The following RIMS2 variants were observed in gnomAD, a reference collection of about 807,000 sequenced individuals.
RIMS2 encodes the protein regulating synaptic membrane exocytosis protein 2.
Under a neutral mutation model 174.4 loss-of-function variants are expected in RIMS2, and 59 were observed. That is an observed-to-expected ratio of 0.34 (90% CI 0.27 to 0.42). RIMS2 has a LOEUF of 0.42. RIMS2 is among the 10% of genes least tolerant of loss of function. The probability of loss-of-function intolerance (pLI) is 1.00; values close to 1 mark genes in which losing one functional copy is unlikely to be tolerated. For missense variants in RIMS2, 1,620 were observed against 1,666.3 expected (o/e 0.97, Z 0.48); for synonymous variants, 606 against 572.5 (o/e 1.06, Z -0.84).
intron 1 of RIMS2, among the ~76,000 whole-genome samples, chr8:103,590,892 T>A (rs2094219618): frequency 6.6e-6 from 1 of 151,160 alleles, no homozygotes; most frequent in Non-Finnish European, 1.5e-5. Context: ...TTCATTACTT[T>A]TGGATAAATA....
intron 19 of RIMS2, among the ~76,000 whole-genome samples, chr8:104,173,237 G>A (rs966362853): frequency 5.3e-5 from 8 of 152,092 alleles, no homozygotes; most frequent in African/African-American, 1.2e-4. Flanking sequence ...TGTTTAAAAT[G>A]AGTATTCATT....
intron 3 of RIMS2, among the ~76,000 whole-genome samples, chr8:103,838,486 A>G (rs1367487202): frequency 6.6e-6 from 1 of 152,204 alleles, no homozygotes; most frequent in African/African-American, 2.4e-5. Context: ...GCCTCTTAGC[A>G]TAATTTATTT....
At chr8:103,975,988 T>C (rs781663918) in intron 16 of RIMS2, 8 of 152,934 alleles carry the variant, frequency 5.2e-5, no homozygotes, top group Non-Finnish European at 1.2e-4. Flanking sequence ...ATTGGGTGAG[T>C]CTTCCTCTCC....
intron 2 of RIMS2, 30 bp from the exon 6 acceptor site, chr8:103,766,197 A>G: frequency 6.7e-7 from 1 of 1,495,600 alleles, no homozygotes; most frequent in Non-Finnish European, 9.1e-7. Context: ...TGGGAACACT[A>G]ATTTTTTCCC....
At chr8:104,002,066 T>A (rs1283816653) in intron 17 of RIMS2, among the ~76,000 whole-genome samples, 1 of 152,142 alleles carries the variant, frequency 6.6e-6, no homozygotes, top group Non-Finnish European at 1.5e-5. Flanking sequence ...TTACCTCCAA[T>A]TCTACTTTGG....
intron 19 of RIMS2, among the ~76,000 whole-genome samples, chr8:104,106,449 G>A (rs2098067942): frequency 7.0e-6 from 1 of 143,832 alleles, no homozygotes; most frequent in South Asian, 2.2e-4. Context: ...CATTATCATT[G>A]ATTAATATAT....
rs1458560876 is a variant in RIMS2 at position 103,555,234 on chromosome 8, T to C, written c.176+54172T>C. ...CCTGAATAGAAATTTCTTGAAAGAA[T>C]ACATATCAATGGCCAATAGGTATAT... On this transcript the variant is annotated intron_variant, in intron 1 of 23. Transcript: ENST00000504942. 2.0e-5 allele frequency among the ~76,000 whole-genome samples: 3 copies of C among 152,092 alleles called. No individual in the cohort carries two copies. In the East Asian group the frequency reaches 5.8e-4, roughly 29 times the overall value.
intron 19 of RIMS2, among the ~76,000 whole-genome samples, chr8:104,189,385 T>C (rs2098985709): frequency 6.6e-6 from 1 of 151,848 alleles, no homozygotes; most frequent in Admixed American, 6.6e-5. Context: ...TCTATCTTCC[T>C]GATCCAGGAA....
At chr8:104,200,614 T>C (rs373207050) in intron 19 of RIMS2, among the ~76,000 whole-genome samples, 2 of 152,178 alleles carry the variant, frequency 1.3e-5, no homozygotes, top group South Asian at 4.1e-4. Context: ...ACCTTAAAAC[T>C]ATGCCAGTGA....
chr8:104,193,485 C>A (rs2099008499), intron 19 of RIMS2, among the ~76,000 whole-genome samples: 1 of 152,016 alleles, frequency 6.6e-6, no homozygotes, highest in Non-Finnish European at 1.5e-5. Context: ...TGGAGTCGAC[C>A]CTTCAATGTG....
At chr8:104,221,175 T>C (rs937674254) in intron 19 of RIMS2, among the ~76,000 whole-genome samples, 1 of 152,160 alleles carries the variant, frequency 6.6e-6, no homozygotes, top group East Asian at 1.9e-4. Context: ...CATAAAGTAT[T>C]TTATTACATT....
At chr8:104,128,649 A>T (rs1214905306) in intron 19 of RIMS2, among the ~76,000 whole-genome samples, 1 of 152,194 alleles carries the variant, frequency 6.6e-6, no homozygotes, top group African/African-American at 2.4e-5. Context: ...GTGAGCCAAG[A>T]TCGCGCCATT....
At position 104,058,752 on chromosome 8, in the gene RIMS2, G is replaced by T. The variant is rs948301604; in HGVS notation, c.3334+44137G>T. 9.9e-5 allele frequency among the ~76,000 whole-genome samples: 15 copies of T among 152,236 alleles called. No homozygotes were observed. In the East Asian group the frequency reaches 2.3e-3, roughly 23 times the overall value. ...TCTTGAATTAATTTTTGTATAAGGC[G>T]TAAGGAAGGGATCCAGTTTCAGCTT... On this transcript the variant is annotated intron_variant, in intron 19 of 23. Transcript: ENST00000504942.
intron 19 of RIMS2, among the ~76,000 whole-genome samples, chr8:104,135,654 A>G (rs2098513587): frequency 6.7e-6 from 1 of 149,760 alleles, no homozygotes; most frequent in Non-Finnish European, 1.5e-5. Flanking sequence ...AAATGTTGAG[A>G]TGTACACAGA....
chr8:103,938,610 T>C (rs1290214719), intron 13 of RIMS2, among the ~76,000 whole-genome samples: 2 of 152,144 alleles, frequency 1.3e-5, no homozygotes, highest in South Asian at 2.1e-4. Context: ...AAACCAATCA[T>C]GCCTTCCCAA....
intron 1 of RIMS2, among the ~76,000 whole-genome samples, chr8:103,554,610 A>G (rs1342279876): frequency 6.6e-6 from 1 of 152,192 alleles, no homozygotes; most frequent in Non-Finnish European, 1.5e-5. Context: ...TTCCGCCATT[A>G]TGGATGGCAG....
intron 19 of RIMS2, among the ~76,000 whole-genome samples, chr8:104,151,830 G>A (rs189514593): frequency 2.0e-5 from 3 of 152,094 alleles, no homozygotes; most frequent in Non-Finnish European, 4.4e-5. Flanking sequence ...ACAGCAGTAG[G>A]CCAAGACAAT....
intron 6 of RIMS2, among the ~76,000 whole-genome samples, 167 bp from the exon 10 acceptor site, chr8:103,915,328 G>A (rs1052308126): frequency 6.6e-5 from 10 of 151,998 alleles, no homozygotes; most frequent in African/African-American, 2.4e-4. Flanking sequence ...AGCTCTTAGG[G>A]CATGTGCTAA....
chr8:103,754,121 A>G (rs2097939822), intron 2 of RIMS2, among the ~76,000 whole-genome samples: 1 of 152,176 alleles, frequency 6.6e-6, no homozygotes, highest in African/African-American at 2.4e-5. Flanking sequence ...AGATTCTGGT[A>G]CGTTGTTTCT....
Sources: gnomAD v4.1 joint callset for allele counts (sites outside exome capture counted in the v4.1 genomes callset) on GRCh38, gnomAD v4.1.1 for gene constraint, MANE v1.5 for transcripts, NCBI Gene and HGNC (gene_info 2026-07-23, HGNC 2026-07-21) for gene names.